GGT1: variants seen among roughly 807,000 people sequenced by gnomAD.
The protein encoded by GGT1 is glutathione hydrolase 1 proenzyme.
In GGT1, 21 loss-of-function variants were observed where a neutral mutation model predicts 56.0. The observed-to-expected ratio is 0.38, with a 90% CI of 0.27 to 0.54. The LOEUF (loss-of-function observed/expected upper bound fraction) is 0.54. GGT1 is among the 20% of genes least tolerant of loss of function. The pLI is 0.82. For missense variants in GGT1, 466 were observed against 787.0 expected, an observed-to-expected ratio of 0.59 and a Z score of 4.88; for synonymous variants, 238 against 342.6, an observed-to-expected ratio of 0.69 and a Z score of 3.37.
At chr22:24,605,038 A>C (rs535473660) in intron 1 of GGT1, among the ~76,000 whole-genome samples, 1 of 71,806 alleles carries the variant, frequency 1.4e-5, no homozygotes, top group Non-Finnish European at 2.5e-5. Context: ...ATATATATAA[A>C]ATATGTAATA....
At chr22:24,605,079 TAAA>T (rs2045965113) in intron 1 of GGT1, among the ~76,000 whole-genome samples, 4 of 71,040 alleles carry the variant, frequency 5.6e-5, no homozygotes, top group African/African-American at 1.0e-4. Context: ...ATATAATATA[TAAA>T]GTATATTATA....
chr22:24,588,650 C>T, the GGT1 span: 1 of 1,141,666 alleles, frequency 8.8e-7, no homozygotes, highest in Non-Finnish European at 1.1e-6. Flanking sequence ...CGGCTGCCTG[C>T]CCACCCTCAG....
chr22:24,585,985 C>G, the GGT1 span: 1 of 1,610,522 alleles, frequency 6.2e-7, no homozygotes, highest in Admixed American at 1.7e-5. Flanking sequence ...TGCCCTCAGG[C>G]TCAAGGTCCA....
intron 5 of GGT1, among the ~76,000 whole-genome samples, chr22:24,611,860 G>A (rs529169102): frequency 5.9e-4 from 89 of 151,810 alleles, no homozygotes; most frequent in African/African-American, 2.1e-3. Flanking sequence ...AGGCTGGAGG[G>A]CAGTGGTGCA....
rs1489542812 is a variant in GGT1 at position 24,627,524 on chromosome 22, C to G, written c.1113C>G (p.Pro371=). Residue 371 remains proline, a synonymous_variant, in exon 12 of 16, where the codon CCC becomes CCG. Coordinates refer to ENST00000400382, the MANE Select transcript of GGT1 (RefSeq NM_001288833.2). ...DTTHPISYYK[P]EFYTPDDGGT... ...CTCACCCGATCTCCTACTACAAGCCCGAGTTCTACACGCCGGATGACGGGG... is the reference window on the plus strand; with the variant it reads ...CTCACCCGATCTCCTACTACAAGCCGGAGTTCTACACGCCGGATGACGGGG... The G allele has an allele frequency of 7.4e-6, 12 of 1,611,640 alleles. No homozygotes were observed. Among genetic ancestry groups the G allele is most frequent in the African/African-American group, 1.3e-5 (1 of 74,742 alleles).
intron 1 of GGT1, chr22:24,607,534 T>G: frequency 6.5e-6 from 1 of 154,334 alleles, no homozygotes; most frequent in Non-Finnish European, 1.4e-5. Context: ...CAGGGCTGCG[T>G]GAACTTTAGT....
At chr22:24,607,822 C>G (rs28550867) in intron 1 of GGT1, 132 bp from the exon 2 acceptor site, 2 of 331,224 alleles carry the variant, frequency 6.0e-6, no homozygotes, top group African/African-American at 4.5e-5. Flanking sequence ...AGTCCCAATT[C>G]GGAGGCCCCC....
rs796269199 is a variant in GGT1, at chr22:24,626,315, T to G, written c.1021-1117T>G. Reference sequence around the variant, plus strand: ...AGGCGTGAGCCACCGCGCCCGGTGTTGAAACTCCCTTGAGGCATTTTCTTC... The same window carrying G: ...AGGCGTGAGCCACCGCGCCCGGTGTGGAAACTCCCTTGAGGCATTTTCTTC... On this transcript the variant is annotated intron_variant, in intron 11 of 15. Coordinates refer to ENST00000400382, the MANE Select transcript of GGT1 (RefSeq NM_001288833.2). Among the ~76,000 whole-genome samples, 418 of 129,966 alleles carry G rather than the reference T, an allele frequency of 3.2e-3. 2 individuals carry two copies. Among genetic ancestry groups the G allele is most frequent in the Non-Finnish European group, 5.6e-3 (352 of 62,508 alleles). The allele number at this position is 129,966 out of a possible 152,430, so 85.3% of individuals were successfully genotyped here.
At chr22:24,599,008 C>T (rs2147195197), upstream of GGT1, among the ~76,000 whole-genome samples, 1 of 152,356 alleles carries the variant, frequency 6.6e-6, no homozygotes, top group Admixed American at 6.5e-5. Context: ...CTCAAGTGAT[C>T]CACCCACCTC....
chr22:24,600,099 C>T (rs767330170), upstream of GGT1, among the ~76,000 whole-genome samples: 5 of 152,198 alleles, frequency 3.3e-5, no homozygotes, highest in Non-Finnish European at 4.4e-5. Flanking sequence ...GTGGAGGGTG[C>T]CTTGGGCAGG....
chr22:24,602,090 C>T (rs575183574), upstream of GGT1, among the ~76,000 whole-genome samples: 30 of 152,176 alleles, frequency 2.0e-4, no homozygotes, highest in South Asian at 6.0e-3. Context: ...GCTCGGCCAC[C>T]TCCTTTTCCA....
intron 1 of GGT1, among the ~76,000 whole-genome samples, chr22:24,605,073 A>T (rs1355775019): frequency 1.4e-5 from 1 of 73,302 alleles, no homozygotes; most frequent in African/African-American, 9.4e-5. Context: ...TGTAATATAT[A>T]ATATATAAAG....
At chr22:24,592,888 CG>C, upstream of GGT1, 1 of 1,279,570 alleles carries the variant, frequency 7.8e-7, no homozygotes, top group Non-Finnish European at 9.9e-7. Context: ...CAGCAGCTGC[CG>C]GGCGCGCTCC....
chr22:24,594,033 G>T (rs1423471554), upstream of GGT1, among the ~76,000 whole-genome samples: 1 of 152,216 alleles, frequency 6.6e-6, no homozygotes, highest in Non-Finnish European at 1.5e-5. Flanking sequence ...GCTTCAGTCT[G>T]CCTCCCTGAC....
At chr22:24,624,019 A>G in intron 11 of GGT1, 103 bp downstream of exon 11, 1 of 1,547,120 alleles carries the variant, frequency 6.5e-7, no homozygotes. Flanking sequence ...TTATGAATCC[A>G]TTCCTGCCAC....
chr22:24,592,263 G>A (rs958307130), upstream of GGT1: 9 of 464,756 alleles, frequency 1.9e-5, no homozygotes, highest in Non-Finnish European at 4.0e-5. Flanking sequence ...GTGTTGTGAT[G>A]CACAGATGCT....
chr22:24,616,794 C>T (rs1362330124), intron 7 of GGT1, among the ~76,000 whole-genome samples: 1 of 152,054 alleles, frequency 6.6e-6, no homozygotes, highest in African/African-American at 2.4e-5. Flanking sequence ...ATCCCCCGGC[C>T]TCGGCCTCCC....
intron 5 of GGT1, among the ~76,000 whole-genome samples, chr22:24,611,514 C>CCTATCTATCTATCTAT (rs201643332): frequency 2.9e-5 from 4 of 136,706 alleles, no homozygotes; most frequent in African/African-American, 1.0e-4. Flanking sequence ...CTTATTTCTT[C>CCTATCTATCTATCTAT]CTATCTATCT....
upstream of GGT1, chr22:24,592,518 A>G: frequency 4.6e-6 from 2 of 437,286 alleles, no homozygotes; most frequent in Non-Finnish European, 9.3e-6. Context: ...CCATCTTGCC[A>G]GGGCCTGAAT....
Sources: gnomAD v4.1 joint callset for allele counts (sites outside exome capture counted in the v4.1 genomes callset) on GRCh38, gnomAD v4.1.1 for gene constraint, MANE v1.5 for transcripts, NCBI Gene and HGNC (gene_info 2026-07-23, HGNC 2026-07-21) for gene names.